PTPRD: variants seen among roughly 807,000 people sequenced by gnomAD.
The protein encoded by PTPRD is receptor-type tyrosine-protein phosphatase delta.
In PTPRD, 34 loss-of-function variants were observed where a neutral mutation model predicts 214.5. That is an observed-to-expected ratio of 0.16 (90% CI 0.12 to 0.21). PTPRD has a LOEUF of 0.21. Ranked by LOEUF, PTPRD falls within the 10% of genes least tolerant of loss-of-function variation. PTPRD has a pLI of 1.00. For synonymous variants in PTPRD, 1,128 were observed against 845.7 expected (o/e 1.33, Z -5.79); for missense variants, 2,545 against 2,398.7 (o/e 1.06, Z -1.27).
At chr9:10,604,131 G>A (rs987153000) in intron 2 of PTPRD, among the ~76,000 whole-genome samples, 1 of 151,550 alleles carries the variant, frequency 6.6e-6, no homozygotes, top group African/African-American at 2.4e-5. Flanking sequence ...GATGAGTAAT[G>A]GAGGAAAGAA....
At chr9:10,335,609 A>C (rs1376276344) in intron 3 of PTPRD, among the ~76,000 whole-genome samples, 1 of 151,754 alleles carries the variant, frequency 6.6e-6, no homozygotes, top group Non-Finnish European at 1.5e-5. Flanking sequence ...ATTCGTTAAA[A>C]TAAAAAATTC....
At chr9:10,543,679 T>G (rs899750384) in intron 2 of PTPRD, among the ~76,000 whole-genome samples, 1 of 152,216 alleles carries the variant, frequency 6.6e-6, no homozygotes, top group Admixed American at 6.5e-5. Context: ...ATTTGAACTA[T>G]AGTAAACTCT....
At chr9:9,563,217 A>G (rs908303950) in intron 8 of PTPRD, among the ~76,000 whole-genome samples, 5 of 152,180 alleles carry the variant, frequency 3.3e-5, no homozygotes, top group Non-Finnish European at 1.5e-5. Context: ...GTAAGGAGCA[A>G]GTCTATCCCG....
At chr9:8,650,050 G>A (rs574898975) in intron 12 of PTPRD, among the ~76,000 whole-genome samples, 2 of 152,008 alleles carry the variant, frequency 1.3e-5, no homozygotes, top group South Asian at 2.1e-4. Flanking sequence ...CCCGAGCAGC[G>A]AGGACTATGG....
At chr9:9,091,000 G>C in intron 10 of PTPRD, 1 of 1,571,346 alleles carries the variant, frequency 6.4e-7, no homozygotes, top group Non-Finnish European at 8.7e-7. Flanking sequence ...CAAGGACAAG[G>C]CCATTAAGAA....
Position 8,507,311 on chromosome 9 carries a change from T to C in PTPRD, c.1667A>G (p.His556Arg), listed in dbSNP as rs749328146. 6.2e-6 allele frequency: 10 copies of C among 1,613,898 alleles called. No individual in the cohort carries two copies. Among genetic ancestry groups the C allele is most frequent in the Non-Finnish European group, 6.8e-6 (8 of 1,179,788 alleles). ...NYELVYKDGE[H>R]GEEQRITIEP... ...GCACTATAGTCTTACCTCCTCTCCA[T>C]GCTCCCCATCTTTGTAGACCAGTTC... Residue 556 changes from histidine (H) to arginine (R), a missense_variant, in exon 22 of 46, where the codon CAT (histidine) becomes CGT (arginine). By Grantham distance (29) the His-to-Arg change is conservative. Coordinates refer to ENST00000381196, the MANE Select transcript of PTPRD (RefSeq NM_002839.4).
intron 8 of PTPRD, among the ~76,000 whole-genome samples, chr9:9,517,154 T>C (rs1411287022): frequency 1.3e-5 from 2 of 152,104 alleles, no homozygotes; most frequent in Non-Finnish European, 2.9e-5. Flanking sequence ...CATTCATTTA[T>C]TTATTCTCAT....
intron 11 of PTPRD, among the ~76,000 whole-genome samples, chr9:8,964,403 G>A (rs1048682614): frequency 7.3e-5 from 11 of 151,458 alleles, no homozygotes; most frequent in Non-Finnish European, 2.9e-5. Context: ...CAGTTGTAAT[G>A]TCACTGTTGT....
intron 9 of PTPRD, among the ~76,000 whole-genome samples, chr9:9,218,444 A>G (rs1402478382): frequency 6.6e-6 from 1 of 152,152 alleles, no homozygotes; most frequent in Non-Finnish European, 1.5e-5. Context: ...TCTCAGTAAC[A>G]TAAAAGATTT....
intron 8 of PTPRD, among the ~76,000 whole-genome samples, chr9:9,402,980 AAAAAAAAAACACC>A (rs1233221903): frequency 1.6e-4 from 20 of 128,858 alleles, no homozygotes; most frequent in Admixed American, 7.7e-4. Flanking sequence ...AAAAAAAAAA[AAAAAAAAAACACC>A]AAAAAAAAAT....
chr9:9,568,038 A>G (rs2085135349), intron 8 of PTPRD, among the ~76,000 whole-genome samples: 1 of 151,730 alleles, frequency 6.6e-6, no homozygotes, highest in African/African-American at 2.4e-5. Context: ...CTGGCCAAGG[A>G]CAAACCTAAG....
intron 9 of PTPRD, among the ~76,000 whole-genome samples, chr9:9,345,385 T>C (rs968394525): frequency 3.9e-5 from 6 of 152,062 alleles, no homozygotes; most frequent in Admixed American, 6.6e-5. Context: ...GTATGAGACA[T>C]GGGCAGAGGA....
At chr9:9,299,689 A>C (rs1266208272) in intron 9 of PTPRD, among the ~76,000 whole-genome samples, 2 of 151,674 alleles carry the variant, frequency 1.3e-5, no homozygotes, top group East Asian at 3.9e-4. Context: ...ATTTTTGATT[A>C]AAGGTGAATT....
At chr9:8,546,491 C>G (rs933374806) in intron 14 of PTPRD, among the ~76,000 whole-genome samples, 1 of 151,766 alleles carries the variant, frequency 6.6e-6, no homozygotes, top group Non-Finnish European at 1.5e-5. Context: ...GTTTTTCTTT[C>G]TTTTTTCTTT....
intron 11 of PTPRD, among the ~76,000 whole-genome samples, chr9:8,830,735 A>G (rs895824123): frequency 1.3e-5 from 2 of 152,136 alleles, no homozygotes; most frequent in Non-Finnish European, 2.9e-5. Flanking sequence ...AAACAAGTGC[A>G]AATGGTCATT....
At chr9:8,874,902 G>A (rs937107176) in intron 11 of PTPRD, among the ~76,000 whole-genome samples, 1 of 152,172 alleles carries the variant, frequency 6.6e-6, no homozygotes, top group African/African-American at 2.4e-5. Context: ...TGGTTCCAAT[G>A]AAACTTTCAA....
chr9:10,207,938 C>T (rs988730228), intron 3 of PTPRD, among the ~76,000 whole-genome samples: 1 of 152,182 alleles, frequency 6.6e-6, no homozygotes, highest in South Asian at 2.1e-4. Flanking sequence ...AGCAGTGCAT[C>T]AATTCCCACA....
At position 8,497,252 on chromosome 9, in the gene PTPRD, G is replaced by T; in HGVS notation, c.2339C>A (p.Thr780Asn). The T allele has an allele frequency of 6.3e-7, 1 of 1,594,630 alleles. No homozygotes were observed. Among genetic ancestry groups the T allele is most frequent in the South Asian group, 1.2e-5 (1 of 86,206 alleles). Residue 780 changes from threonine to asparagine, a missense_variant, in exon 26 of 46, where the codon ACT (threonine) becomes AAT (asparagine). Transcript: ENST00000381196. The part of the protein sequence containing the change: ...LADAQWEFDD[T>N]TEHDMIISGL... The stretch of plus-strand genomic sequence containing the variant: ...TCAAAAATTACTCACATGTTCAGTA[G>T]TATCATCAAATTCCCACTGATTGAG...
chr9:9,475,556 G>T (rs914412808), intron 8 of PTPRD, among the ~76,000 whole-genome samples: 1 of 152,154 alleles, frequency 6.6e-6, no homozygotes, highest in Admixed American at 6.5e-5. Context: ...ATGTCATCAG[G>T]ACTCAAAACT....
Sources: gnomAD v4.1 joint callset for allele counts (sites outside exome capture counted in the v4.1 genomes callset) on GRCh38, gnomAD v4.1.1 for gene constraint, MANE v1.5 for transcripts, NCBI Gene and HGNC (gene_info 2026-07-23, HGNC 2026-07-21) for gene names.